HELLS: variants seen among roughly 807,000 people sequenced by gnomAD.
HELLS encodes lymphoid-specific helicase.
HELLS carries 32 observed loss-of-function variants against 120.0 expected under a neutral mutation model. The observed-to-expected ratio is 0.27, with a 90% CI of 0.20 to 0.36. HELLS has a LOEUF of 0.36. Among genes scored for constraint, HELLS ranks in the 10% least tolerant of loss-of-function variants. The pLI is 1.00. For synonymous variants in HELLS, 341 were observed against 323.4 expected, an observed-to-expected ratio of 1.05 and a Z score of -0.58; for missense variants, 650 against 993.4, an observed-to-expected ratio of 0.65 and a Z score of 4.65.
At chr10:94,569,233 A>G (rs1844003339) in intron 6 of HELLS, 1 of 151,750 alleles carries the variant, frequency 6.6e-6, no homozygotes, top group African/African-American at 2.4e-5. Context: ...CCTGGGCTGG[A>G]GTGCAGTGGC....
At chr10:94,562,542 A>G (rs1843608433) in intron 4 of HELLS, 149 bp from the exon 5 acceptor site, 2 of 518,748 alleles carry the variant, frequency 3.9e-6, no homozygotes, top group Non-Finnish European at 6.9e-6. Flanking sequence ...ACAGAAAAAT[A>G]TTACATGTAG....
chr10:94,552,292 A>C (rs1433595824), intron 2 of HELLS, among the ~76,000 whole-genome samples: 4 of 152,250 alleles, frequency 2.6e-5, no homozygotes. Flanking sequence ...AAAATTTAGA[A>C]TCTTTTTAAT....
At chr10:94,563,399 T>G (rs1449450924) in intron 6 of HELLS, among the ~76,000 whole-genome samples, 2 of 152,132 alleles carry the variant, frequency 1.3e-5, no homozygotes, top group East Asian at 3.9e-4. Flanking sequence ...CCATCCTCAC[T>G]TAAGTGGCAA....
intron 12 of HELLS, chr10:94,583,870 TCTA>T (rs1844994511): frequency 9.9e-6 from 4 of 403,980 alleles, no homozygotes; most frequent in South Asian, 2.2e-4. Flanking sequence ...ATTGTCTTGT[TCTA>T]CTATAATTAA....
intron 13 of HELLS, among the ~76,000 whole-genome samples, chr10:94,590,207 T>G (rs1482458836): frequency 2.0e-5 from 3 of 152,230 alleles, no homozygotes; most frequent in Non-Finnish European, 4.4e-5. Flanking sequence ...TTATACACCC[T>G]TCATTTTTAC....
chr10:94,609,825 A>G (rs1219433524), intron 9 of HELLS: 2 of 152,148 alleles, frequency 1.3e-5, no homozygotes, highest in South Asian at 4.2e-4. Context: ...TTGTTTCTAC[A>G]TTTTTCATTG....
chr10:94,571,068 T>C, intron 6 of HELLS: 1 of 193,976 alleles, frequency 5.2e-6, no homozygotes, highest in Non-Finnish European at 1.0e-5. Context: ...TGTAGTTTGC[T>C]GACCCCAGGA....
At chr10:94,611,750 G>C (rs911025092) in exon 10 of HELLS, 2 of 152,190 alleles carry the variant, frequency 1.3e-5, no homozygotes, top group Non-Finnish European at 2.9e-5. Flanking sequence ...TTCTAGTTCA[G>C]AGTGATTGGC....
At chr10:94,567,414 TCAGC>T (rs1241348281) in intron 6 of HELLS, among the ~76,000 whole-genome samples, 1 of 152,136 alleles carries the variant, frequency 6.6e-6, no homozygotes, top group Non-Finnish European at 1.5e-5. Context: ...TTCTCCTGCC[TCAGC>T]CTTCCGAGTA....
At chr10:94,586,315 G>A (rs949639551) in intron 12 of HELLS, among the ~76,000 whole-genome samples, 1 of 152,094 alleles carries the variant, frequency 6.6e-6, no homozygotes, top group African/African-American at 2.4e-5. Flanking sequence ...TAGAGACGGA[G>A]TTTCACTGTG....
At chr10:94,592,725 TTAA>T (rs149445673) in intron 17 of HELLS, among the ~76,000 whole-genome samples, 3,340 of 152,228 alleles carry the variant, frequency 0.022, 119 homozygotes, top group African/African-American at 0.074. Context: ...CACAATCTTA[TTAA>T]TAATATCCTA....
At chr10:94,570,744 T>C (rs955459052) in intron 6 of HELLS, 1 of 152,066 alleles carries the variant, frequency 6.6e-6, no homozygotes, top group Non-Finnish European at 1.5e-5. Context: ...CAGAGCACTT[T>C]ATTCTGTATT....
At position 94,596,922 on chromosome 10, in the gene HELLS, T is replaced by C; in HGVS notation, c.2311T>C (p.Leu771=). 3.3e-6 allele frequency: 5 copies of C among 1,511,864 alleles called. No individual in the cohort carries two copies. The highest frequency in any genetic ancestry group is 4.6e-6 in the Non-Finnish European group (5 of 1,088,456). 93.7% of individuals were successfully genotyped at this position (1,511,864 alleles called of 1,614,324 possible). Reference sequence around the variant, plus strand: ...TAAGAATTTCTTAGATCCTAAGGAATTAATGGAATTATTAAAATCTAGAGA... The same window carrying C: ...TAAGAATTTCTTAGATCCTAAGGAACTAATGGAATTATTAAAATCTAGAGA... The part of the protein sequence containing the change: ...LSKNFLDPKE[L]MELLKSRDYE... The change falls in exon 20 of 22, where the codon TTA becomes CTA. Residue 771 remains leucine (L), a synonymous_variant. Coordinates refer to ENST00000348459, the MANE Select transcript of HELLS (RefSeq NM_018063.5).
At chr10:94,550,028 C>T (rs778916083) in intron 2 of HELLS, among the ~76,000 whole-genome samples, 37 of 152,170 alleles carry the variant, frequency 2.4e-4, no homozygotes, top group Admixed American at 6.5e-4. Context: ...TCAAGCAATT[C>T]TCCTGCCTCA....
At chr10:94,580,395 T>A (rs1401604366) in intron 10 of HELLS, among the ~76,000 whole-genome samples, 3 of 151,786 alleles carry the variant, frequency 2.0e-5, no homozygotes, top group African/African-American at 7.3e-5. Context: ...TTGGCCAGGC[T>A]GGTCTCAAAC....
At chr10:94,565,621 C>T (rs1222854344) in intron 6 of HELLS, among the ~76,000 whole-genome samples, 3 of 152,092 alleles carry the variant, frequency 2.0e-5, no homozygotes, top group South Asian at 2.1e-4. Flanking sequence ...ACCCCGGAGG[C>T]GGAGGTTGCA....
intron 21 of HELLS, among the ~76,000 whole-genome samples, chr10:94,599,343 G>A (rs915720562): frequency 6.6e-6 from 1 of 152,030 alleles, no homozygotes; most frequent in Non-Finnish European, 1.5e-5. Context: ...CCATAATATC[G>A]TAATCATCTT....
At chr10:94,554,634 A>G (rs956945523) in intron 3 of HELLS, among the ~76,000 whole-genome samples, 4 of 151,340 alleles carry the variant, frequency 2.6e-5, no homozygotes, top group Non-Finnish European at 4.4e-5. Flanking sequence ...GGAATCTTCA[A>G]AGTAATAGTG....
chr10:94,550,488 G>A (rs1842931678), intron 2 of HELLS, among the ~76,000 whole-genome samples: 1 of 151,896 alleles, frequency 6.6e-6, no homozygotes, highest in Non-Finnish European at 1.5e-5. Flanking sequence ...CAACATATTG[G>A]CCGGCCTGGT....
Sources: gnomAD v4.1 joint callset for allele counts (sites outside exome capture counted in the v4.1 genomes callset) on GRCh38, gnomAD v4.1.1 for gene constraint, MANE v1.5 for transcripts, NCBI Gene and HGNC (gene_info 2026-07-23, HGNC 2026-07-21) for gene names.